Variants in PTGES2 observed in about 807,000 individuals in gnomAD.
PTGES2 encodes GATE-binding factor 1.
PTGES2 carries 35 observed loss-of-function variants against 44.5 expected under a neutral mutation model. That is an observed-to-expected ratio of 0.79 (90% CI 0.60 to 1.04). PTGES2 has a LOEUF of 1.04. Among genes scored for constraint, PTGES2 ranks in the 50% least tolerant of loss-of-function variants. The probability of loss-of-function intolerance (pLI) is 0.00; values close to 1 mark genes in which losing one functional copy is unlikely to be tolerated. For missense variants in PTGES2, 517 were observed against 521.4 expected (o/e 0.99, Z 0.08); for synonymous variants, 221 against 227.5 (o/e 0.97, Z 0.26).
chr9:128,124,541 T>C lies in PTGES2; in HGVS notation c.487A>G (p.Asn163Asp). The C allele has an allele frequency of 6.2e-7, 1 of 1,612,892 alleles. No homozygotes were observed. Among genetic ancestry groups the C allele is most frequent in the Non-Finnish European group, 8.5e-7 (1 of 1,179,218 alleles). The part of the protein sequence containing the change: ...AQEGESSQQL[N>D]DSSVIISALK... ...GCGCTGATGATGACAGAGGAGTCAT[T>C]TAGTTGTTGCTGGAAGAGAAAAGGG... The change falls in exon 3 of 7, where the codon AAT becomes GAT. Residue 163 changes from asparagine to aspartate, a missense_variant. Transcript: ENST00000338961.
At position 128,123,725 on chromosome 9, in the gene PTGES2, C is replaced by T. The variant is rs1588070674; in HGVS notation, c.663G>A (p.Val221=). 3 of 1,612,744 alleles carry T rather than the reference C, an allele frequency of 1.9e-6. No individual in the cohort carries two copies. The highest frequency in any genetic ancestry group is 2.2e-5 in the East Asian group (1 of 44,668). Residue 221 remains valine, a synonymous_variant, in exon 4 of 7, where the codon GTG becomes GTA. Transcript: ENST00000338961. The surrounding 1 kb of genome is among the most constrained non-coding windows in gnomAD (Gnocchi z 4.4). ...LMLNEKEAQQ[V]YGGKEARTEE... ...ACGTCCTGGCCTCCTTCCCACCATA[C>T]ACTTGCTGGGCCTCCTTCTCGTTGA...
chr9:128,123,693 C>G lies in PTGES2; in HGVS notation c.686+9G>C, dbSNP rs1834510205. ...ACCACCTTCCCCCGCCAGCCCCAGC[C>G]CCACTCACGTCCTGGCCTCCTTCCC... On this transcript the variant is annotated intron_variant, in intron 4 of 6. Transcript: ENST00000338961. The surrounding 1 kb of genome is among the most constrained non-coding windows in gnomAD (Gnocchi z 4.4). 6 of 1,611,804 alleles carry G rather than the reference C, an allele frequency of 3.7e-6. No individual in the cohort carries two copies. Among genetic ancestry groups the G allele is most frequent in the Non-Finnish European group, 5.1e-6 (6 of 1,178,388 alleles).
upstream of PTGES2, chr9:128,127,905 C>CT (rs1588076025): frequency 2.0e-6 from 1 of 487,830 alleles, no homozygotes; most frequent in Non-Finnish European, 3.2e-6. Context: ...GCCAGAGCCG[C>CT]AGAGGCCCGC....
chr9:128,125,525 C>A, intron 1 of PTGES2, 84 bp from the exon 2 acceptor site: 1 of 1,270,870 alleles, frequency 7.9e-7, no homozygotes, highest in Middle Eastern at 2.6e-4. Flanking sequence ...CCAGAGGAGT[C>A]TTCTGAAATG....
upstream of PTGES2, chr9:128,127,948 G>A (rs533601995): frequency 2.2e-5 from 9 of 413,614 alleles, no homozygotes; most frequent in South Asian, 1.2e-4. Context: ...CCATGCTTCC[G>A]CCTCCAAAGG....
chr9:128,127,321 C>T (rs4837243), intron 1 of PTGES2, 118 bp downstream of exon 1: 891,574 of 906,916 alleles, frequency 0.98, 438,886 homozygotes, highest in Non-Finnish European at 1. Context: ...AGACTTCAGA[C>T]CAAGTCACTC....
rs1207824656 is a variant in PTGES2 at position 128,125,388 on chromosome 9, G to C, written c.333C>G (p.Pro111=). ...GGAAGGCTCGGACCTTGCTGCAGAA[G>C]GGACACGTCTTGTACTGGTACAGGG... ...QLTLYQYKTC[P]FCSKVRAFLD... Residue 111 remains proline, a synonymous_variant, in exon 2 of 7, where the codon CCC becomes CCG. Coordinates refer to ENST00000338961, the MANE Select transcript of PTGES2 (RefSeq NM_025072.7). 1 of 1,614,196 alleles carries C rather than the reference G, an allele frequency of 6.2e-7. No individual in the cohort carries two copies. The highest frequency in any genetic ancestry group is 8.5e-7 in the Non-Finnish European group (1 of 1,180,026).
chr9:128,121,640 C>G (rs557290595), intron 6 of PTGES2, among the ~76,000 whole-genome samples: 4 of 152,278 alleles, frequency 2.6e-5, no homozygotes, highest in Admixed American at 6.5e-5. Flanking sequence ...GGGCCAGGCA[C>G]GCTGGCTCAC....
At position 128,123,701 on chromosome 9, in the gene PTGES2, C is replaced by T. The variant is rs1452061442; in HGVS notation, c.686+1G>A. 5.0e-6 allele frequency: 8 copies of T among 1,612,070 alleles called. No individual in the cohort carries two copies. Among genetic ancestry groups the T allele is most frequent in the East Asian group, 2.2e-5 (1 of 44,810 alleles). On this transcript the variant is annotated splice_donor_variant, in intron 4 of 6. Transcript: ENST00000338961. LOFTEE classifies it high-confidence loss of function. The surrounding 1 kb of genome is among the most constrained non-coding windows in gnomAD (Gnocchi z 4.4). ...CCCCCGCCAGCCCCAGCCCCACTCA[C>T]GTCCTGGCCTCCTTCCCACCATACA...
upstream of PTGES2, chr9:128,127,733 G>A (rs1834688787): frequency 2.4e-6 from 3 of 1,252,294 alleles, no homozygotes; most frequent in South Asian, 3.0e-5. Context: ...CTCCGCCGGC[G>A]CCGCGGGCGG....
Position 128,123,720 on chromosome 9 carries a change from C to A in PTGES2, c.668G>T (p.Gly223Val). 1 of 1,613,848 alleles carries A rather than the reference C, an allele frequency of 6.2e-7. No homozygotes were observed. Among genetic ancestry groups the A allele is most frequent in the Non-Finnish European group, 8.5e-7 (1 of 1,179,882 alleles). The change falls in exon 4 of 7, where the codon GGT (glycine) becomes GTT (valine). Residue 223 changes from glycine (G) to valine (V), a missense_variant. By Grantham distance (109) the Gly-to-Val change is moderately radical. Transcript: ENST00000338961. The surrounding 1 kb of genome is among the most constrained non-coding windows in gnomAD (Gnocchi z 4.4). ...LNEKEAQQVY[G>V]GKEARTEEMK... ...CACTCACGTCCTGGCCTCCTTCCCA[C>A]CATACACTTGCTGGGCCTCCTTCTC...
chr9:128,125,580 T>A, intron 1 of PTGES2, 139 bp from the exon 2 acceptor site: 1 of 789,822 alleles, frequency 1.3e-6, no homozygotes, highest in Non-Finnish European at 2.0e-6. Context: ...AAGGGGGCGG[T>A]AGGGGAAAGG....
At chr9:128,127,191 CAAAAAAAAAA>C (rs59234287) in intron 1 of PTGES2, among the ~76,000 whole-genome samples, 9 of 24,502 alleles carry the variant, frequency 3.7e-4, no homozygotes, top group Admixed American at 5.3e-4. Flanking sequence ...ATAAACAAAC[CAAAAAAAAAA>C]AAAAAAAAAA....
chr9:128,121,813 T>C (rs1467754530), intron 6 of PTGES2, among the ~76,000 whole-genome samples: 1 of 151,828 alleles, frequency 6.6e-6, no homozygotes, highest in African/African-American at 2.4e-5. Context: ...CTCAGGAGGC[T>C]GAGGCAGAAG....
chr9:128,120,831 T>G lies in PTGES2; in HGVS notation c.*314A>C. 2.7e-6 allele frequency: 1 copy of G among 367,218 alleles called. No homozygotes were observed. Among genetic ancestry groups the G allele is most frequent in the Non-Finnish European group, 5.0e-6 (1 of 200,992 alleles). 22.7% of individuals were successfully genotyped at this position (367,218 alleles called of 1,614,324 possible). A position where few individuals can be genotyped will look rare whatever the true frequency, so the allele number is the denominator to read the frequency against. On this transcript the variant is annotated 3_prime_UTR_variant, in exon 7 of 7. Coordinates refer to ENST00000338961, the MANE Select transcript of PTGES2 (RefSeq NM_025072.7). Reference sequence around the variant, plus strand: ...CCACTGAAAACAAACCGTCCTGCTGTCCTGTCGAGGGCCCCCACCCACAGG... The same window carrying G: ...CCACTGAAAACAAACCGTCCTGCTGGCCTGTCGAGGGCCCCCACCCACAGG...
upstream of PTGES2, chr9:128,127,798 G>A (rs1352900772): frequency 1.7e-6 from 2 of 1,200,482 alleles, no homozygotes; most frequent in South Asian, 3.5e-5. Flanking sequence ...CCAGGACTCT[G>A]GCGCCCCGCG....
chr9:128,123,220 G>A lies in PTGES2; in HGVS notation c.687-86C>T. 7.6e-7 allele frequency: 1 copy of A among 1,313,322 alleles called. No homozygotes were observed. Among genetic ancestry groups the A allele is most frequent in the Non-Finnish European group, 1.1e-6 (1 of 948,032 alleles). The allele number at this position is 1,313,322 out of a possible 1,614,324, so 81.4% of individuals were successfully genotyped here. The stretch of plus-strand genomic sequence containing the variant: ...TTCTCTAGAACATACCCACTGCACG[G>A]GCGGGAAGCTGAAGCCTGAGCAGGA... On this transcript the variant is annotated intron_variant, in intron 4 of 6. Transcript: ENST00000338961. This position sits in a 1 kb window ranked among gnomAD's most constrained non-coding sequence, Gnocchi z 4.4.
At chr9:128,125,003 A>G (rs1399427724) in intron 2 of PTGES2, 2 of 764,240 alleles carry the variant, frequency 2.6e-6, no homozygotes, top group Non-Finnish European at 3.9e-6. Context: ...TGATTTCAGA[A>G]TCTATGTTGT....
chr9:128,125,188 C>G, intron 2 of PTGES2, 56 bp downstream of exon 2: 5 of 1,489,518 alleles, frequency 3.4e-6, no homozygotes, highest in Non-Finnish European at 4.5e-6. Context: ...GGCTAGGGGG[C>G]GCTCCAGGAC....
Sources: gnomAD v4.1 joint callset for allele counts (sites outside exome capture counted in the v4.1 genomes callset) on GRCh38, gnomAD v4.1.1 for gene constraint, Gnocchi (gnomAD v3.1) non-coding constraint, MANE v1.5 for transcripts, NCBI Gene and HGNC (gene_info 2026-07-23, HGNC 2026-07-21) for gene names.